The following SBNO2 variants were observed in gnomAD, a reference collection of about 807,000 sequenced individuals.
The protein encoded by SBNO2 is protein strawberry notch homolog 2.
Under a neutral mutation model 146.3 loss-of-function variants are expected in SBNO2, and 89 were observed. That is an observed-to-expected ratio of 0.61 (90% CI 0.51 to 0.73). The LOEUF (loss-of-function observed/expected upper bound fraction) is 0.73, where lower values mean the gene tolerates loss of function less well. Among genes scored for constraint, SBNO2 ranks in the 30% least tolerant of loss-of-function variants. The pLI is 0.00. For missense variants in SBNO2, 2,092 were observed against 2,003.7 expected (o/e 1.04, Z -0.84); for synonymous variants, 1,147 against 892.6 (o/e 1.29, Z -5.08).
At chr19:1,125,227 T>C (rs1599843162) in intron 5 of SBNO2, among the ~76,000 whole-genome samples, 1 of 149,568 alleles carries the variant, frequency 6.7e-6, no homozygotes, top group African/African-American at 2.5e-5. Flanking sequence ...GGTGTGGTGG[T>C]GGGCGCCTGT....
intron 5 of SBNO2, among the ~76,000 whole-genome samples, chr19:1,125,211 T>A (rs977071365): frequency 5.4e-5 from 8 of 148,644 alleles, no homozygotes; most frequent in Admixed American, 1.3e-4. Context: ...AAAAAAAAAT[T>A]AGCCAGGTGT....
chr19:1,171,437 G>T (rs1385084535), intron 1 of SBNO2, among the ~76,000 whole-genome samples: 1 of 152,142 alleles, frequency 6.6e-6, no homozygotes, highest in Admixed American at 6.5e-5. Context: ...GAGTCCCCAG[G>T]GCAGCGCTGG....
At chr19:1,123,178 T>C (rs1237289249) in intron 7 of SBNO2, 133 bp from the exon 8 acceptor site, 22 of 1,022,962 alleles carry the variant, frequency 2.2e-5, no homozygotes, top group South Asian at 4.6e-5. Flanking sequence ...CCAGGTCCCG[T>C]TGGGCGGGTC....
At chr19:1,149,341 G>T (rs1218673251) in intron 3 of SBNO2, 28 bp downstream of exon 3, 3 of 1,539,338 alleles carry the variant, frequency 1.9e-6, no homozygotes, top group Non-Finnish European at 2.6e-6. Context: ...AAGCCTGGGG[G>T]CCAGGCGGGG....
Position 1,108,423 on chromosome 19 carries a change from G to A in SBNO2, c.3898C>T (p.Pro1300Ser), listed in dbSNP as rs777131153. Residue 1300 changes from proline to serine, a missense_variant, in exon 32 of 32, where the codon CCT becomes TCT. By Grantham distance (74) the Pro-to-Ser change is moderately conservative. Coordinates refer to ENST00000361757, the MANE Select transcript of SBNO2 (RefSeq NM_014963.3). Reference sequence around the variant, plus strand: ...CAGCCCTGGTGCGCGAGGGCCGCAGGGTCGGCCTGGGCGTCGGGGGTGCCC... The same window carrying A: ...CAGCCCTGGTGCGCGAGGGCCGCAGAGTCGGCCTGGGCGTCGGGGGTGCCC... ...PLGTPDAQAD[P>S]AALAHQGCDI... 1.6e-6 allele frequency: 2 copies of A among 1,263,374 alleles called. No individual in the cohort carries two copies. Among genetic ancestry groups the A allele is most frequent in the Non-Finnish European group, 1.0e-6 (1 of 999,324 alleles). 78.3% of individuals were successfully genotyped at this position (1,263,374 alleles called of 1,614,324 possible).
Position 1,114,378 on chromosome 19 carries a change from C to A in SBNO2, c.1930G>T (p.Glu644Ter), listed in dbSNP as rs867864851. 6.4e-7 allele frequency: 1 copy of A among 1,554,004 alleles called. No individual in the cohort carries two copies. The highest frequency in any genetic ancestry group is 8.7e-7 in the Non-Finnish European group (1 of 1,148,758). ...RGAKAPRLAC[E>*]TAGVIRISDD... is the part of the protein sequence containing the mutation. ...CTGATGCGGATGACGCCCGCTGTCT[C>A]GCACGCCAGCCGGGGGGCTTTGGCC... Residue 644 changes from glutamate to a stop codon, truncating the protein, a stop_gained, in exon 18 of 32, where the codon GAG becomes TAG. Coordinates refer to ENST00000361757, the MANE Select transcript of SBNO2 (RefSeq NM_014963.3). LOFTEE classifies it high-confidence loss of function.
In SBNO2 at chr19:1,149,508, C is replaced by T. The variant is rs2080223394; in HGVS notation, c.94-66G>A. The stretch of plus-strand genomic sequence containing the variant: ...ACCTGCGGTGCAGCCCGGCTAAGCC[C>T]TCCGGGCAGGGTGACAGGCCGAGAG... On this transcript the variant is annotated intron_variant, in intron 2 of 31. Coordinates refer to ENST00000361757, the MANE Select transcript of SBNO2 (RefSeq NM_014963.3). The T allele has an allele frequency of 4.1e-6, 6 of 1,450,982 alleles. No homozygotes were observed. In the South Asian group the frequency reaches 7.3e-5, roughly 18 times the overall value. The allele number at this position is 1,450,982 out of a possible 1,614,324, so 89.9% of individuals were successfully genotyped here.
rs200987793 is a variant in SBNO2, at chr19:1,113,611, C to T, written c.2171G>A (p.Arg724Gln). The T allele has an allele frequency of 7.3e-4, 1,163 of 1,597,420 alleles. 4 individuals carry two copies. The highest frequency in any genetic ancestry group is 8.3e-4 in the Non-Finnish European group (971 of 1,174,134). The part of the protein sequence containing the change: ...LKQDLLDKVR[R>Q]LGRELPVNTL... ...GTTGACTGGCAGTTCCCGGCCCAGC[C>T]GCCGCACTTTGTCCAGCAGATCCTG... is the stretch of plus-strand genomic sequence containing the variant. The change falls in exon 19 of 32, where the codon CGG (arginine) becomes CAG (glutamine). Residue 724 changes from arginine (R) to glutamine (Q), a missense_variant. Arg to Gln is a conservative substitution (Grantham distance 43). Coordinates refer to ENST00000361757, the MANE Select transcript of SBNO2 (RefSeq NM_014963.3).
chr19:1,149,341 G>A (rs1218673251), intron 3 of SBNO2, 28 bp downstream of exon 3: 3 of 1,539,232 alleles, frequency 1.9e-6, no homozygotes, highest in Non-Finnish European at 2.6e-6. Context: ...AAGCCTGGGG[G>A]CCAGGCGGGG....
rs573641973 is a variant in SBNO2 at position 1,129,221 on chromosome 19, C to T, written c.280-1456G>A. Among the ~76,000 whole-genome samples the T allele has an allele frequency of 1.2e-4, 19 of 152,178 alleles. No individual in the cohort carries two copies. In the East Asian group the frequency reaches 1.4e-3, roughly 11 times the overall value. On this transcript the variant is annotated intron_variant, in intron 4 of 31. Transcript: ENST00000361757. ...GGCAGAGGCTGCAGTGGGCTGAGAT[C>T]GTGCCATTGCACTCCAGTCTGGGTG...
At chr19:1,166,251 G>GAT (rs1599886571) in intron 1 of SBNO2, among the ~76,000 whole-genome samples, 1 of 143,814 alleles carries the variant, frequency 7.0e-6, no homozygotes, top group Admixed American at 7.0e-5. Context: ...CCAGACCCCA[G>GAT]CCCAGAGGGA....
Position 1,109,464 on chromosome 19 carries a change from C to G in SBNO2, c.3217-41G>C. The G allele has an allele frequency of 6.4e-7, 1 of 1,567,548 alleles. No individual in the cohort carries two copies. The highest frequency in any genetic ancestry group is 1.2e-5 in the South Asian group (1 of 85,626). ...TTGAGGCCGCGCCCCGGTCCGCCCC[C>G]CGCGGGCCCTCCTCTGGGGGGGTAA... On this transcript the variant is annotated intron_variant, in intron 28 of 31. Coordinates refer to ENST00000361757, the MANE Select transcript of SBNO2 (RefSeq NM_014963.3). This position sits in a 1 kb window ranked among gnomAD's most constrained non-coding sequence, Gnocchi z 4.2.
In SBNO2 at chr19:1,119,629, G is replaced by A. The variant is rs1402716336; in HGVS notation, c.1268-8C>T. ...TCCGAGGCTCAGAGGCACCTGTGGG[G>A]GGAAGCTGCCGTCAGCTCCCCAACC... On this transcript the variant is annotated splice_polypyrimidine_tract_variant and splice_region_variant and intron_variant, in intron 12 of 31. Coordinates refer to ENST00000361757, the MANE Select transcript of SBNO2 (RefSeq NM_014963.3). 1 of 1,600,890 alleles carries A rather than the reference G, an allele frequency of 6.2e-7. No individual in the cohort carries two copies. Among genetic ancestry groups the A allele is most frequent in the Non-Finnish European group, 8.5e-7 (1 of 1,173,552 alleles).
chr19:1,116,495 G>C (rs1002093635), intron 16 of SBNO2, among the ~76,000 whole-genome samples: 1 of 152,154 alleles, frequency 6.6e-6, no homozygotes, highest in Non-Finnish European at 1.5e-5. Context: ...ACAGGGGAGA[G>C]GCTGGGGCTT....
chr19:1,163,772 G>A (rs544834912), intron 1 of SBNO2, among the ~76,000 whole-genome samples: 2 of 152,348 alleles, frequency 1.3e-5, no homozygotes, highest in African/African-American at 4.8e-5. Flanking sequence ...CTGGGGGACG[G>A]CCCCTCAATT....
At position 1,123,643 on chromosome 19, in the gene SBNO2, C is replaced by G; in HGVS notation, c.523-4G>C. ...GCTGGCTCTGCACACTCTGCTCCTG[C>G]GTGCGTGGCGGGAGCTCAGCGGAGA... On this transcript the variant is annotated splice_polypyrimidine_tract_variant and splice_region_variant and intron_variant, in intron 6 of 31. Coordinates refer to ENST00000361757, the MANE Select transcript of SBNO2 (RefSeq NM_014963.3). 3 of 1,609,192 alleles carry G rather than the reference C, an allele frequency of 1.9e-6. No homozygotes were observed. The highest frequency in any genetic ancestry group is 2.5e-6 in the Non-Finnish European group (3 of 1,178,248).
Position 1,108,049 on chromosome 19 carries a change from G to A in SBNO2, c.*171C>T. Reference sequence around the variant, plus strand: ...CCCGGCCCCCAGCTGTCCTGAGTGGGCCCCGCCAGGGCTGACCAGGTGGGG... The same window carrying A: ...CCCGGCCCCCAGCTGTCCTGAGTGGACCCCGCCAGGGCTGACCAGGTGGGG... On this transcript the variant is annotated 3_prime_UTR_variant, in exon 32 of 32. Coordinates refer to ENST00000361757, the MANE Select transcript of SBNO2 (RefSeq NM_014963.3). The A allele has an allele frequency of 1.6e-6, 1 of 625,718 alleles. No individual in the cohort carries two copies. Among genetic ancestry groups the A allele is most frequent in the South Asian group, 2.7e-5 (1 of 37,242 alleles). The allele number at this position is 625,718 out of a possible 1,614,324, so 38.8% of individuals were successfully genotyped here. A position where few individuals can be genotyped will look rare whatever the true frequency, so the allele number is the denominator to read the frequency against.
chr19:1,140,807 A>G lies in SBNO2; in HGVS notation c.279+6502T>C, dbSNP rs1406508070. 2.0e-5 allele frequency among the ~76,000 whole-genome samples: 3 copies of G among 151,808 alleles called. No homozygotes were observed. The East Asian group carries it at 5.8e-4, about 30-fold the overall frequency. ...CAGCCTTGGGTCTTCCCCCAGGCTG[A>G]GAGAAACAGGAAATGGATGGTGAAG... On this transcript the variant is annotated intron_variant, in intron 4 of 31. Transcript: ENST00000361757. The surrounding 1 kb of genome is among the most constrained non-coding windows in gnomAD (Gnocchi z 4.4).
At chr19:1,127,265 C>G (rs1175729939) in intron 5 of SBNO2, among the ~76,000 whole-genome samples, 1 of 152,222 alleles carries the variant, frequency 6.6e-6, no homozygotes, top group Non-Finnish European at 1.5e-5. Context: ...AGGGACTCCC[C>G]GGGTGCGGTG....
Sources: allele counts gnomAD v4.1 joint callset (sites outside exome capture counted in the v4.1 genomes callset), GRCh38; gene constraint gnomAD v4.1.1; non-coding constraint Gnocchi (gnomAD v3.1); transcripts MANE v1.5; gene names NCBI Gene and HGNC (gene_info 2026-07-23, HGNC 2026-07-21).